CYREN: variants seen among roughly 807,000 people sequenced by gnomAD.
CYREN encodes the protein cell cycle regulator of non-homologous end joining.
A neutral mutation model predicts 9.7 loss-of-function variants in CYREN; 7 were observed. The observed-to-expected ratio is 0.72, with a 90% CI of 0.41 to 1.36. The LOEUF (loss-of-function observed/expected upper bound fraction) is 1.36, where lower values mean the gene tolerates loss of function less well. Among genes scored for constraint, CYREN ranks in the 40% most tolerant of loss-of-function variants. The probability of loss-of-function intolerance (pLI) is 0.01; values close to 1 mark genes in which losing one functional copy is unlikely to be tolerated. For synonymous variants in CYREN, 76 were observed against 77.9 expected (o/e 0.98, Z 0.13); for missense variants, 215 against 198.1 (o/e 1.09, Z -0.51).
At chr7:135,143,683 T>C (rs1191255313) in intron 2 of CYREN, among the ~76,000 whole-genome samples, 6 of 152,084 alleles carry the variant, frequency 3.9e-5, no homozygotes, top group Non-Finnish European at 8.8e-5. Context: ...GATCCAGCTC[T>C]AAAACAGCAC....
rs1461805191 is a variant in CYREN, at chr7:135,168,805, C to T, written c.118G>A (p.Val40Met). The T allele has an allele frequency of 2.5e-6, 4 of 1,614,002 alleles. No homozygotes were observed. In the African/African-American group the frequency reaches 5.3e-5, roughly 22 times the overall value. Reference sequence around the variant, plus strand: ...TCGCACCTTGCTGCTGCCACTGGCACTGCTGCCATTCTCATCCTCTTGGGG... The same window carrying T: ...TCGCACCTTGCTGCTGCCACTGGCATTGCTGCCATTCTCATCCTCTTGGGG... ...KAPKRMRMAAVPVAAARLPAT... is the reference protein window; with the variant it reads ...KAPKRMRMAAMPVAAARLPAT... Residue 40 changes from valine (V) to methionine (M), a missense_variant, in exon 2 of 4, where the codon GTG becomes ATG. By Grantham distance (21) the Val-to-Met change is conservative. Coordinates refer to ENST00000393114, the MANE Select transcript of CYREN (RefSeq NM_024033.4).
intron 2 of CYREN, among the ~76,000 whole-genome samples, chr7:135,101,570 G>A (rs1023455274): frequency 2.0e-4 from 30 of 151,768 alleles, no homozygotes; most frequent in South Asian, 1.0e-3. Flanking sequence ...ACCACCACCC[G>A]CCAAGAAAAT....
At position 135,098,460 on chromosome 7, in the gene CYREN, G is replaced by A. The variant is rs140686318; in HGVS notation, n.357-3878C>T. 5.9e-5 allele frequency among the ~76,000 whole-genome samples: 9 copies of A among 152,320 alleles called. 1 individual carries two copies. Among genetic ancestry groups the A allele is most frequent in the African/African-American group, 1.9e-4 (8 of 41,582 alleles). ...AAAAAGTCTGCACGTGTTTGGTACA[G>A]ATGCATTTTTTTCCTAAATATTTTC... On this transcript the variant is annotated intron_variant and non_coding_transcript_variant, in intron 2 of 2. Coordinates refer to the CYREN transcript ENST00000459937.
intron 2 of CYREN, among the ~76,000 whole-genome samples, chr7:135,156,226 C>T (rs1363871786): frequency 6.6e-6 from 1 of 152,078 alleles, no homozygotes; most frequent in Non-Finnish European, 1.5e-5. Flanking sequence ...TGGTGAGGTC[C>T]TTTTGCAATG....
intron 2 of CYREN, among the ~76,000 whole-genome samples, chr7:135,156,908 G>A (rs530514629): frequency 1.3e-5 from 2 of 152,286 alleles, no homozygotes; most frequent in South Asian, 4.1e-4. Context: ...TCTCGTGATA[G>A]TGAATAAGTC....
At chr7:135,120,245 T>C (rs1396854182) in intron 2 of CYREN, among the ~76,000 whole-genome samples, 3 of 152,188 alleles carry the variant, frequency 2.0e-5, no homozygotes, top group Admixed American at 2.0e-4. Flanking sequence ...CTAAATCATA[T>C]TTGATGGTTG....
At chr7:135,160,281 G>A (rs556142963) in intron 2 of CYREN, among the ~76,000 whole-genome samples, 1 of 152,292 alleles carries the variant, frequency 6.6e-6, no homozygotes, top group South Asian at 2.1e-4. Flanking sequence ...AACAGGAAAA[G>A]GTTTATCTAA....
chr7:135,145,531 C>G (rs1020558601), intron 2 of CYREN, among the ~76,000 whole-genome samples: 1 of 152,082 alleles, frequency 6.6e-6, no homozygotes, highest in African/African-American at 2.4e-5. Context: ...AAAAGCCTTT[C>G]TCAGGAAGAT....
At chr7:135,108,745 A>G (rs755571072) in intron 2 of CYREN, among the ~76,000 whole-genome samples, 28 of 152,294 alleles carry the variant, frequency 1.8e-4, no homozygotes, top group Non-Finnish European at 3.8e-4. Flanking sequence ...TGGCCTCTCT[A>G]GCAAAGTTGG....
chr7:135,146,702 A>G (rs1256725976), intron 2 of CYREN, among the ~76,000 whole-genome samples: 2 of 152,210 alleles, frequency 1.3e-5, no homozygotes, highest in Non-Finnish European at 2.9e-5. Context: ...GTTGGGAGTC[A>G]GTAGATTATG....
chr7:135,093,508 AT>A lies in CYREN; in HGVS notation n.1430del, dbSNP rs543438753. 250 of 152,338 alleles carry A rather than the reference AT, an allele frequency of 1.6e-3. 2 individuals carry two copies. Among genetic ancestry groups the A allele is most frequent in the African/African-American group, 5.9e-3 (247 of 41,590 alleles). The allele number at this position is 152,338 out of a possible 1,614,324, so 9.4% of individuals were successfully genotyped here. The stretch of plus-strand genomic sequence containing the variant: ...AAATTAAGAAAACAATTCCATTTAC[AT>A]TAGCATCAAAAAGAACAAAATACTT... On this transcript the variant is annotated non_coding_transcript_exon_variant, in exon 3 of 3. Transcript: ENST00000459937.
intron 2 of CYREN, chr7:135,168,174 G>A (rs1452230567): frequency 2.0e-5 from 5 of 248,964 alleles, no homozygotes; most frequent in Non-Finnish European, 4.0e-5. Context: ...AGGGAAAGAC[G>A]GCAGCAGTCA....
chr7:135,167,394 T>C, intron 3 of CYREN: 1 of 1,140,698 alleles, frequency 8.8e-7, no homozygotes, highest in Non-Finnish European at 1.1e-6. Context: ...AGAAGTCATC[T>C]ACCCAACTGG....
chr7:135,136,853 G>A (rs763319907), intron 2 of CYREN, among the ~76,000 whole-genome samples: 1 of 152,042 alleles, frequency 6.6e-6, no homozygotes, highest in Admixed American at 6.6e-5. Flanking sequence ...GGGATGCACA[G>A]ATATTACCTA....
rs149855269 is a variant in CYREN at position 135,120,219 on chromosome 7, G to A, written n.357-25637C>T. On this transcript the variant is annotated intron_variant and non_coding_transcript_variant, in intron 2 of 2. Coordinates refer to the CYREN transcript ENST00000459937. ...AAATACAGGTAGATATAAAATACAC[G>A]TAAATATAAATTTTTCTAAATCATA... is the stretch of plus-strand genomic sequence containing the variant. 2.3e-3 allele frequency among the ~76,000 whole-genome samples: 348 copies of A among 152,220 alleles called. 4 individuals are homozygous for A. The highest frequency in any genetic ancestry group is 6.8e-3 in the Middle Eastern group (2 of 294).
chr7:135,168,744 C>T, intron 2 of CYREN, 42 bp downstream of exon 2: 5 of 1,602,776 alleles, frequency 3.1e-6, no homozygotes, highest in Non-Finnish European at 4.3e-6. Flanking sequence ...CCCTGCTCCA[C>T]TTGCCAGATT....
chr7:135,129,435 G>C (rs1828420194), intron 2 of CYREN: 2 of 784,668 alleles, frequency 2.5e-6, no homozygotes, highest in Non-Finnish European at 4.7e-6. Context: ...GGCACTGGAA[G>C]AGATGGAAAG....
chr7:135,093,706 A>G (rs1201179408), exon 3 of CYREN: 1 of 152,216 alleles, frequency 6.6e-6, no homozygotes, highest in Non-Finnish European at 1.5e-5. Context: ...ATTCAGTGCA[A>G]TCCCTATCAA....
At chr7:135,134,878 A>G in intron 2 of CYREN, 1 of 1,550,878 alleles carries the variant, frequency 6.4e-7, no homozygotes, top group Non-Finnish European at 8.7e-7. Context: ...AAAGAAATAC[A>G]GCACATCTTG....
Sources: allele counts gnomAD v4.1 joint callset (sites outside exome capture counted in the v4.1 genomes callset), GRCh38; gene constraint gnomAD v4.1.1; transcripts MANE v1.5; gene names NCBI Gene and HGNC (gene_info 2026-07-23, HGNC 2026-07-21).